Variants in KCTD7 observed in about 807,000 individuals in gnomAD.
The protein encoded by KCTD7 is potassium channel tetramerization domain containing 7.
In KCTD7, 15 loss-of-function variants were observed where a neutral mutation model predicts 27.0. That is an observed-to-expected ratio of 0.56 (90% CI 0.37 to 0.86). KCTD7 has a LOEUF of 0.86. Ranked by LOEUF, KCTD7 falls within the 40% of genes least tolerant of loss-of-function variation. The pLI is 0.00. For missense variants in KCTD7, 299 were observed against 398.9 expected (o/e 0.75, Z 2.13); for synonymous variants, 159 against 162.7 (o/e 0.98, Z 0.17).
intron 2 of KCTD7, among the ~76,000 whole-genome samples, chr7:66,635,335 T>TA (rs949975774): frequency 1.3e-5 from 2 of 152,084 alleles, no homozygotes; most frequent in Non-Finnish European, 2.9e-5. Flanking sequence ...CTCTGTGTCT[T>TA]AAAAAAGAAA....
intron 2 of KCTD7, among the ~76,000 whole-genome samples, chr7:66,634,146 A>G (rs1260179697): frequency 5.0e-5 from 7 of 139,756 alleles, no homozygotes; most frequent in Admixed American, 4.2e-4. Context: ...ATGTATATAT[A>G]TGAGCTCTGA....
intron 2 of KCTD7, among the ~76,000 whole-genome samples, chr7:66,635,277 G>T (rs1241088987): frequency 6.6e-6 from 1 of 152,112 alleles, no homozygotes; most frequent in East Asian, 1.9e-4. Flanking sequence ...CTGCCAAAGT[G>T]CTGGGATTAC....
intron 1 of KCTD7, among the ~76,000 whole-genome samples, chr7:66,631,663 T>C (rs1468343192): frequency 3.3e-5 from 5 of 152,116 alleles, no homozygotes; most frequent in African/African-American, 1.2e-4. Context: ...GACCTCATTT[T>C]TTCAAATGCA....
intron 2 of KCTD7, among the ~76,000 whole-genome samples, chr7:66,634,605 G>A (rs1042847220): frequency 6.6e-6 from 1 of 152,092 alleles, no homozygotes; most frequent in African/African-American, 2.4e-5. Flanking sequence ...TCCCACATAG[G>A]GGGATAGTCT....
At chr7:66,638,571 A>G (rs1215162335) in intron 3 of KCTD7, 140 bp downstream of exon 3, 5 of 1,007,698 alleles carry the variant, frequency 5.0e-6, no homozygotes, top group South Asian at 3.1e-5. Context: ...ATCCCTTCCC[A>G]GTCACGCTGG....
chr7:66,642,258 T>C lies in KCTD7; in HGVS notation c.*3026T>C. 2.0e-6 allele frequency: 2 copies of C among 985,432 alleles called. No individual in the cohort carries two copies. The highest frequency in any genetic ancestry group is 2.4e-6 in the Non-Finnish European group (2 of 829,910). The allele number at this position is 985,432 out of a possible 1,614,324, so 61.0% of individuals were successfully genotyped here. A position where few individuals can be genotyped will look rare whatever the true frequency, so the allele number is the denominator to read the frequency against. On this transcript the variant is annotated 3_prime_UTR_variant, in exon 4 of 4. Coordinates refer to ENST00000639828, the MANE Select transcript of KCTD7 (RefSeq NM_153033.5). ...ATGGAAGGAATCATCACCTTCCTTATTTTACCTCTGCCTTGTTCACCAGGC... is the reference window on the plus strand; with the variant it reads ...ATGGAAGGAATCATCACCTTCCTTACTTTACCTCTGCCTTGTTCACCAGGC...
chr7:66,642,971 TTCATGTACCTG>T lies in KCTD7; in HGVS notation c.*3742_*3752del. 1 of 985,336 alleles carries T rather than the reference TTCATGTACCTG, an allele frequency of 1.0e-6. No individual in the cohort carries two copies. Among genetic ancestry groups the T allele is most frequent in the South Asian group, 4.7e-5 (1 of 21,268 alleles). The allele number at this position is 985,336 out of a possible 1,614,324, so 61.0% of individuals were successfully genotyped here. A position where few individuals can be genotyped will look rare whatever the true frequency, so the allele number is the denominator to read the frequency against. On this transcript the variant is annotated 3_prime_UTR_variant, in exon 4 of 4. Coordinates refer to ENST00000639828, the MANE Select transcript of KCTD7 (RefSeq NM_153033.5). ...CACACTATAACACTTCCTGTGTGAGTTCATGTACCTGTCTGTGAGTGCTTTGGTGTATTGAG... is the reference window on the plus strand; with the variant it reads ...CACACTATAACACTTCCTGTGTGAGTTCTGTGAGTGCTTTGGTGTATTGAG...
At position 66,639,396 on chromosome 7, in the gene KCTD7, C is replaced by G; in HGVS notation, c.*164C>G. 6.6e-7 allele frequency: 1 copy of G among 1,511,848 alleles called. No individual in the cohort carries two copies. The highest frequency in any genetic ancestry group is 8.8e-7 in the Non-Finnish European group (1 of 1,132,906). The allele number at this position is 1,511,848 out of a possible 1,614,324, so 93.7% of individuals were successfully genotyped here. A position where few individuals can be genotyped will look rare whatever the true frequency, so the allele number is the denominator to read the frequency against. On this transcript the variant is annotated 3_prime_UTR_variant, in exon 4 of 4. Coordinates refer to ENST00000639828, the MANE Select transcript of KCTD7 (RefSeq NM_153033.5). Reference sequence around the variant, plus strand: ...GGGGACAGAGGTGTAGCTCCAATCTCCCTGACTGCACCTCAGGGTTGGGCT... The same window carrying G: ...GGGGACAGAGGTGTAGCTCCAATCTGCCTGACTGCACCTCAGGGTTGGGCT...
chr7:66,629,736 C>G (rs1223784724), intron 1 of KCTD7, among the ~76,000 whole-genome samples: 1 of 152,152 alleles, frequency 6.6e-6, no homozygotes, highest in Non-Finnish European at 1.5e-5. Flanking sequence ...AAAAAGATGT[C>G]TTCTAGAGAA....
At chr7:66,634,349 GTGT>G (rs910166132) in intron 2 of KCTD7, among the ~76,000 whole-genome samples, 1 of 151,676 alleles carries the variant, frequency 6.6e-6, no homozygotes, top group Admixed American at 6.6e-5. Context: ...TAAGTTTTAG[GTGT>G]TGTTTTTTTT....
At chr7:66,633,473 G>GT in intron 2 of KCTD7, 29 bp downstream of exon 2, 1 of 1,611,564 alleles carries the variant, frequency 6.2e-7, no homozygotes, top group Non-Finnish European at 8.5e-7. Context: ...AATCAACTTT[G>GT]TAGTCCTAGC....
chr7:66,639,547 C>A lies in KCTD7; in HGVS notation c.*315C>A. 1 of 1,368,446 alleles carries A rather than the reference C, an allele frequency of 7.3e-7. No individual in the cohort carries two copies. Among genetic ancestry groups the A allele is most frequent in the Non-Finnish European group, 9.5e-7 (1 of 1,057,330 alleles). The allele number at this position is 1,368,446 out of a possible 1,614,324, so 84.8% of individuals were successfully genotyped here. On this transcript the variant is annotated 3_prime_UTR_variant, in exon 4 of 4. Coordinates refer to ENST00000639828, the MANE Select transcript of KCTD7 (RefSeq NM_153033.5). ...AAGTCCCGAGAAGTTTTGTCACCTT[C>A]TTGACCTTGCAAGAGAGTTTCTGCC... is the stretch of plus-strand genomic sequence containing the variant.
chr7:66,636,390 G>C (rs1786588097), intron 2 of KCTD7, among the ~76,000 whole-genome samples: 1 of 151,880 alleles, frequency 6.6e-6, no homozygotes, highest in African/African-American at 2.4e-5. Context: ...GGCCCCACTT[G>C]AGCCTCATTT....
At position 66,630,886 on chromosome 7, in the gene KCTD7, CTCA is replaced by C. The variant is rs371114635; in HGVS notation, c.144+1681_144+1683del. 2.4e-3 allele frequency among the ~76,000 whole-genome samples: 364 copies of C among 152,294 alleles called. 4 individuals carry two copies. Among genetic ancestry groups the C allele is most frequent in the South Asian group, 0.022 (105 of 4,824 alleles). ...CTTTTGTCCTCTCTGCTTCAATCCT[CTCA>C]TCTCTAATATGGAGCAAGCACTTGG... On this transcript the variant is annotated intron_variant, in intron 1 of 3. Coordinates refer to ENST00000639828, the MANE Select transcript of KCTD7 (RefSeq NM_153033.5).
At position 66,639,418 on chromosome 7, in the gene KCTD7, G is replaced by T; in HGVS notation, c.*186G>T. 6.7e-7 allele frequency: 1 copy of T among 1,485,192 alleles called. No individual in the cohort carries two copies. The highest frequency in any genetic ancestry group is 8.9e-7 in the Non-Finnish European group (1 of 1,119,856). 92.0% of individuals were successfully genotyped at this position (1,485,192 alleles called of 1,614,324 possible). On this transcript the variant is annotated 3_prime_UTR_variant, in exon 4 of 4. Coordinates refer to ENST00000639828, the MANE Select transcript of KCTD7 (RefSeq NM_153033.5). ...TCTCCCTGACTGCACCTCAGGGTTG[G>T]GCTCAGGGCTTGCGGCCTGCAGGCA...
Position 66,628,949 on chromosome 7 carries a change from C to G in KCTD7, c.-116C>G, listed in dbSNP as rs551906037. ...CCGCCTGCGCACTGCCTCTCGCCCC[C>G]CTCCGGCCAGCCCGCAGCCGGCCGC... On this transcript the variant is annotated 5_prime_UTR_variant, in exon 1 of 4. Transcript: ENST00000639828. 7.8e-5 allele frequency: 86 copies of G among 1,099,986 alleles called. No individual in the cohort carries two copies. In the Middle Eastern group the frequency reaches 9.5e-4, roughly 12 times the overall value. The allele number at this position is 1,099,986 out of a possible 1,614,324, so 68.1% of individuals were successfully genotyped here.
At chr7:66,633,135 G>A in intron 1 of KCTD7, 140 bp from the exon 2 acceptor site, 3 of 800,312 alleles carry the variant, frequency 3.7e-6, no homozygotes, top group Non-Finnish European at 6.4e-6. Flanking sequence ...GGAGAGAGAA[G>A]AAAGTGTTCA....
chr7:66,641,028 C>G lies in KCTD7; in HGVS notation c.*1796C>G. ...TGATCTCCTGTTCCCTATGTGTAAA[C>G]AAAGATTCCAGGGCGTGGTTTTGCA... On this transcript the variant is annotated 3_prime_UTR_variant, in exon 4 of 4. Coordinates refer to ENST00000639828, the MANE Select transcript of KCTD7 (RefSeq NM_153033.5). 1.0e-6 allele frequency: 1 copy of G among 985,352 alleles called. No homozygotes were observed. The highest frequency in any genetic ancestry group is 1.2e-6 in the Non-Finnish European group (1 of 829,946). 61.0% of individuals were successfully genotyped at this position (985,352 alleles called of 1,614,324 possible).
chr7:66,629,239 TGGGGAGGGGCGC>T (rs1786386237), intron 1 of KCTD7, 31 bp downstream of exon 1: 6 of 1,018,918 alleles, frequency 5.9e-6, no homozygotes, highest in Non-Finnish European at 7.2e-6. Context: ...CCGCGGGGCG[TGGGGAGGGGCGC>T]GGGGGAGAAG....
Sources: gnomAD v4.1 joint callset for allele counts (sites outside exome capture counted in the v4.1 genomes callset) on GRCh38, gnomAD v4.1.1 for gene constraint, MANE v1.5 for transcripts, NCBI Gene and HGNC (gene_info 2026-07-23, HGNC 2026-07-21) for gene names.